Variants in GAP43 observed in about 807,000 individuals in gnomAD.
GAP43 encodes neuromodulin.
Under a neutral mutation model 18.6 loss-of-function variants are expected in GAP43, and 6 were observed. The observed-to-expected ratio is 0.32, with a 90% CI of 0.18 to 0.64. The LOEUF (loss-of-function observed/expected upper bound fraction) is 0.64, where lower values mean the gene tolerates loss of function less well. GAP43 is among the 30% of genes least tolerant of loss of function. The pLI, the probability that GAP43 is intolerant of heterozygous loss-of-function variation, is 0.78. For synonymous variants in GAP43, 115 were observed against 111.4 expected, an observed-to-expected ratio of 1.03 and a Z score of -0.20; for missense variants, 292 against 295.5, an observed-to-expected ratio of 0.99 and a Z score of 0.09.
intron 1 of GAP43, among the ~76,000 whole-genome samples, chr3:115,624,716 T>C (rs1175165224): frequency 1.3e-5 from 2 of 152,064 alleles, no homozygotes; most frequent in Non-Finnish European, 2.9e-5. Flanking sequence ...AGAAACTTGA[T>C]TGGGGTGAGA....
intron 1 of GAP43, among the ~76,000 whole-genome samples, chr3:115,656,747 T>G (rs1001460098): frequency 3.3e-5 from 5 of 152,312 alleles, no homozygotes; most frequent in Admixed American, 2.0e-4. Context: ...AAAAAGAAAT[T>G]GTTAAACTTG....
At chr3:115,715,341 T>A (rs1342403377) in intron 2 of GAP43, among the ~76,000 whole-genome samples, 2 of 152,218 alleles carry the variant, frequency 1.3e-5, no homozygotes, top group Non-Finnish European at 2.9e-5. Flanking sequence ...CTTGCTGGAT[T>A]TCAGCCGTCA....
intron 1 of GAP43, among the ~76,000 whole-genome samples, chr3:115,641,065 A>G (rs1349326823): frequency 1.4e-5 from 1 of 71,908 alleles, no homozygotes; most frequent in Non-Finnish European, 2.8e-5. Context: ...AGGTTTTACT[A>G]TGTTGCCCAG....
At chr3:115,712,852 G>T (rs924854404) in intron 2 of GAP43, among the ~76,000 whole-genome samples, 1 of 151,996 alleles carries the variant, frequency 6.6e-6, no homozygotes, top group Non-Finnish European at 1.5e-5. Flanking sequence ...TTTTCTTCTT[G>T]GTTACTCTTT....
At chr3:115,626,211 TTCA>T (rs1196221368) in intron 1 of GAP43, among the ~76,000 whole-genome samples, 1 of 152,286 alleles carries the variant, frequency 6.6e-6, no homozygotes, top group South Asian at 2.1e-4. Flanking sequence ...CTGGCATCTA[TTCA>T]TCATCGTAGT....
chr3:115,652,356 CTTTTTTTTT>C (rs71141831), intron 1 of GAP43, among the ~76,000 whole-genome samples: 526 of 43,786 alleles, frequency 0.012, 2 homozygotes, highest in South Asian at 0.041. Context: ...ATCCAGCATT[CTTTTTTTTT>C]TTTTTTTTTT....
intron 1 of GAP43, among the ~76,000 whole-genome samples, chr3:115,673,189 T>A (rs1420417531): frequency 6.6e-6 from 1 of 152,166 alleles, no homozygotes; most frequent in African/African-American, 2.4e-5. Flanking sequence ...AAATTCTGAT[T>A]TTTTAGAAAA....
chr3:115,690,667 T>C (rs1255661074), intron 2 of GAP43, among the ~76,000 whole-genome samples: 1 of 151,988 alleles, frequency 6.6e-6, no homozygotes, highest in African/African-American at 2.4e-5. Flanking sequence ...TTTCTTCTGA[T>C]AATCTGAAAT....
chr3:115,623,533 T>G lies in GAP43; in HGVS notation c.-157T>G. On this transcript the variant is annotated 5_prime_UTR_variant, in exon 1 of 3. Coordinates refer to ENST00000305124, the MANE Select transcript of GAP43 (RefSeq NM_002045.4). ...TTACAGTTGCTGCTAACTGCCCTGG[T>G]GTGTGTGAGGGAGAGAGAGGGAGGG... 1.0e-5 allele frequency: 8 copies of G among 763,392 alleles called. No individual in the cohort carries two copies. Among genetic ancestry groups the G allele is most frequent in the Non-Finnish European group, 1.8e-5 (8 of 453,526 alleles). The allele number at this position is 763,392 out of a possible 1,614,324, so 47.3% of individuals were successfully genotyped here.
intron 1 of GAP43, among the ~76,000 whole-genome samples, chr3:115,672,823 C>T (rs1008233579): frequency 7.0e-6 from 1 of 142,890 alleles, no homozygotes; most frequent in Non-Finnish European, 1.5e-5. Context: ...TCTGGAAAAA[C>T]TTCTATTAAT....
At position 115,623,514 on chromosome 3, in the gene GAP43, T is replaced by A; in HGVS notation, c.-176T>A. On this transcript the variant is annotated 5_prime_UTR_variant, in exon 1 of 3. It adds an upstream start codon to the 5' untranslated region. Coordinates refer to ENST00000305124, the MANE Select transcript of GAP43 (RefSeq NM_002045.4). ...TGAGCAATAGCTGTGGACCTTACAGTTGCTGCTAACTGCCCTGGTGTGTGT... is the reference window on the plus strand; with the variant it reads ...TGAGCAATAGCTGTGGACCTTACAGATGCTGCTAACTGCCCTGGTGTGTGT... The A allele has an allele frequency of 1.5e-6, 1 of 673,310 alleles. No individual in the cohort carries two copies. The highest frequency in any genetic ancestry group is 2.6e-6 in the Non-Finnish European group (1 of 385,272). The allele number at this position is 673,310 out of a possible 1,614,324, so 41.7% of individuals were successfully genotyped here.
At chr3:115,633,908 C>T (rs1708295998) in intron 1 of GAP43, among the ~76,000 whole-genome samples, 1 of 152,152 alleles carries the variant, frequency 6.6e-6, no homozygotes, top group Non-Finnish European at 1.5e-5. Flanking sequence ...TACAGAAATG[C>T]TACTCCTTGA....
At chr3:115,665,005 A>T (rs1384231955) in intron 1 of GAP43, among the ~76,000 whole-genome samples, 1 of 152,088 alleles carries the variant, frequency 6.6e-6, no homozygotes. Context: ...AATTTCTCAA[A>T]TACTGTTCTA....
At chr3:115,677,182 G>A (rs1708903660) in intron 2 of GAP43, among the ~76,000 whole-genome samples, 1 of 152,026 alleles carries the variant, frequency 6.6e-6, no homozygotes, top group Non-Finnish European at 1.5e-5. Flanking sequence ...TGTATATGTG[G>A]GTATGCTCAG....
At chr3:115,687,717 A>G (rs1202892002) in intron 2 of GAP43, among the ~76,000 whole-genome samples, 6 of 152,144 alleles carry the variant, frequency 3.9e-5, no homozygotes, top group African/African-American at 1.4e-4. Context: ...ACCTCTACCA[A>G]ACTATTTCGT....
intron 1 of GAP43, among the ~76,000 whole-genome samples, chr3:115,674,942 T>C (rs934389354): frequency 6.6e-6 from 1 of 152,236 alleles, no homozygotes; most frequent in African/African-American, 2.4e-5. Flanking sequence ...AAGTAGACTT[T>C]TGCAAAATAT....
At chr3:115,635,932 C>T (rs1392755975) in intron 1 of GAP43, among the ~76,000 whole-genome samples, 1 of 152,030 alleles carries the variant, frequency 6.6e-6, no homozygotes, top group Non-Finnish European at 1.5e-5. Flanking sequence ...AAGCTTCTAC[C>T]GTTCTCCTGC....
intron 2 of GAP43, among the ~76,000 whole-genome samples, chr3:115,697,971 C>CAGAGT (rs1401291468): frequency 9.9e-6 from 1 of 101,148 alleles, no homozygotes; most frequent in African/African-American, 3.7e-5. Context: ...TAAAAATTCA[C>CAGAGT]AGAGTACATG....
chr3:115,700,997 T>C (rs997249645), intron 2 of GAP43, among the ~76,000 whole-genome samples: 1 of 152,030 alleles, frequency 6.6e-6, no homozygotes, highest in Non-Finnish European at 1.5e-5. Context: ...TATGACAAAA[T>C]GTTTAAATTT....
Sources: allele counts gnomAD v4.1 joint callset (sites outside exome capture counted in the v4.1 genomes callset), GRCh38; gene constraint gnomAD v4.1.1; transcripts MANE v1.5; gene names NCBI Gene and HGNC (gene_info 2026-07-23, HGNC 2026-07-21).